The following GAS2L3 variants were observed in gnomAD, a reference collection of about 807,000 sequenced individuals.
The protein encoded by GAS2L3 is GAS2-like protein 3.
Under a neutral mutation model 37.0 loss-of-function variants are expected in GAS2L3, and 28 were observed. The observed-to-expected ratio is 0.76, with a 90% confidence interval of 0.56 to 1.04. The LOEUF is 1.04. GAS2L3 is among the 50% of genes least tolerant of loss of function. The pLI is 0.00. For missense variants in GAS2L3, 793 were observed against 817.6 expected (o/e 0.97, Z 0.37); for synonymous variants, 290 against 296.6 (o/e 0.98, Z 0.23).
At chr12:100,575,335 C>T (rs921740504) in intron 1 of GAS2L3, among the ~76,000 whole-genome samples, 3 of 151,924 alleles carry the variant, frequency 2.0e-5, no homozygotes, top group Non-Finnish European at 4.4e-5. Context: ...ACATGTAAAG[C>T]ATTTAAAACA....
chr12:100,598,483 T>C (rs1955942649), intron 3 of GAS2L3, among the ~76,000 whole-genome samples: 1 of 152,196 alleles, frequency 6.6e-6, no homozygotes, highest in Non-Finnish European at 1.5e-5. Context: ...TTTGTCCCAT[T>C]ATTGATAGAG....
At chr12:100,603,899 A>G (rs958261055) in intron 5 of GAS2L3, among the ~76,000 whole-genome samples, 18 of 151,970 alleles carry the variant, frequency 1.2e-4, no homozygotes, top group Non-Finnish European at 2.2e-4. Context: ...CCTTTCTTCA[A>G]TCTATGTTCT....
chr12:100,603,161 C>T (rs536603470), intron 5 of GAS2L3, among the ~76,000 whole-genome samples: 2 of 152,084 alleles, frequency 1.3e-5, no homozygotes, highest in African/African-American at 4.8e-5. Flanking sequence ...GGTATATACC[C>T]AGTGGGTTGT....
intron 1 of GAS2L3, 75 bp from the exon 2 acceptor site, chr12:100,591,661 G>A (rs1955848243): frequency 1.3e-5 from 2 of 151,996 alleles, no homozygotes; most frequent in African/African-American, 2.4e-5. Context: ...TGTGTATCTG[G>A]TACTTTATAG....
At chr12:100,617,832 A>G in intron 7 of GAS2L3, 25 bp downstream of exon 7, 4 of 1,372,962 alleles carry the variant, frequency 2.9e-6, no homozygotes, top group Non-Finnish European at 4.1e-6. Flanking sequence ...ATATTTCAGA[A>G]TTTCAATGTT....
At chr12:100,611,482 T>C (rs1361617880) in intron 5 of GAS2L3, among the ~76,000 whole-genome samples, 2 of 152,174 alleles carry the variant, frequency 1.3e-5, no homozygotes, top group Non-Finnish European at 2.9e-5. Context: ...TAGGAATCAT[T>C]TTCTGGAATA....
intron 6 of GAS2L3, among the ~76,000 whole-genome samples, chr12:100,613,359 C>G (rs1382576614): frequency 6.6e-6 from 1 of 152,144 alleles, no homozygotes; most frequent in Non-Finnish European, 1.5e-5. Flanking sequence ...AGATGAGCCT[C>G]TTAATTTTTT....
chr12:100,574,436 T>C (rs1267178669), intron 1 of GAS2L3, among the ~76,000 whole-genome samples: 1 of 152,128 alleles, frequency 6.6e-6, no homozygotes, highest in Admixed American at 6.6e-5. Context: ...AACCCTCAGT[T>C]TGGAGGACTG....
At chr12:100,575,700 G>T (rs12578671) in intron 1 of GAS2L3, among the ~76,000 whole-genome samples, 5 of 151,616 alleles carry the variant, frequency 3.3e-5, no homozygotes, top group Non-Finnish European at 5.9e-5. Context: ...GGATGGTCTC[G>T]ATCTCTTGAC....
chr12:100,583,053 A>T (rs1299567146), intron 1 of GAS2L3, among the ~76,000 whole-genome samples: 1 of 152,110 alleles, frequency 6.6e-6, no homozygotes, highest in African/African-American at 2.4e-5. Flanking sequence ...CCCCCAAGAG[A>T]GGGTTCTTGG....
intron 9 of GAS2L3, among the ~76,000 whole-genome samples, chr12:100,623,314 G>A (rs1365149276): frequency 6.6e-6 from 1 of 152,130 alleles, no homozygotes; most frequent in Non-Finnish European, 1.5e-5. Flanking sequence ...TTATTTTTAG[G>A]ATGCAAGTTA....
At chr12:100,575,498 T>TTG (rs2136357613) in intron 1 of GAS2L3, among the ~76,000 whole-genome samples, 1 of 146,604 alleles carries the variant, frequency 6.8e-6, no homozygotes, top group Admixed American at 6.8e-5. Flanking sequence ...TTTTTTTTTT[T>TTG]TGAGACAGAG....
intron 1 of GAS2L3, chr12:100,579,593 G>A (rs893128928): frequency 3.4e-5 from 26 of 772,964 alleles, no homozygotes; most frequent in Non-Finnish European, 5.8e-5. Flanking sequence ...ATGACAGGGT[G>A]CATCTTTTGG....
Position 100,612,054 on chromosome 12 carries a change from T to G in GAS2L3, c.358T>G (p.Phe120Val), listed in dbSNP as rs1383131554. ...GAAAGATGCTGCATCAGGTTCATTC[T>G]TTGCTCGGGACAATACCGCAAACTT... Reference protein sequence around the residue: ...CKKDAASGSFFARDNTANFLH... With the variant: ...CKKDAASGSFVARDNTANFLH... Residue 120 changes from phenylalanine (F) to valine (V), a missense_variant, in exon 6 of 10, where the codon TTT (phenylalanine) becomes GTT (valine). By Grantham distance (50) the Phe-to-Val change is conservative (BLOSUM62 -1). Coordinates refer to ENST00000547754, the MANE Select transcript of GAS2L3 (RefSeq NM_174942.3). 1.7e-5 allele frequency: 28 copies of G among 1,611,888 alleles called. No individual in the cohort carries two copies. In the Admixed American group the frequency reaches 4.7e-4, roughly 27 times the overall value.
At chr12:100,621,198 A>T (rs1307628273) in intron 8 of GAS2L3, among the ~76,000 whole-genome samples, 1 of 152,088 alleles carries the variant, frequency 6.6e-6, no homozygotes, top group Non-Finnish European at 1.5e-5. Context: ...TAGTTATATG[A>T]ATTCGTTTTG....
At chr12:100,580,190 C>A in intron 1 of GAS2L3, 1 of 717,346 alleles carries the variant, frequency 1.4e-6, no homozygotes, top group South Asian at 1.6e-5. Context: ...ATATCTAAAA[C>A]CAGGTAGAAG....
At chr12:100,595,206 T>C (rs1366489704) in intron 3 of GAS2L3, among the ~76,000 whole-genome samples, 1 of 151,958 alleles carries the variant, frequency 6.6e-6, no homozygotes, top group Non-Finnish European at 1.5e-5. Context: ...GGTTGGTAGG[T>C]CTGTCTTATT....
chr12:100,597,494 AT>A (rs1263107837), intron 3 of GAS2L3, among the ~76,000 whole-genome samples: 12 of 151,980 alleles, frequency 7.9e-5, no homozygotes, highest in African/African-American at 2.9e-4. Context: ...AAATAACATC[AT>A]TTTCCTATTC....
chr12:100,580,380 C>G (rs754051369), intron 1 of GAS2L3, among the ~76,000 whole-genome samples: 7 of 152,068 alleles, frequency 4.6e-5, no homozygotes, highest in Non-Finnish European at 7.4e-5. Context: ...TAGGCAATTC[C>G]TGAGTGTAGA....
Sources: gnomAD v4.1 joint callset for allele counts (sites outside exome capture counted in the v4.1 genomes callset) on GRCh38, gnomAD v4.1.1 for gene constraint, MANE v1.5 for transcripts, NCBI Gene and HGNC (gene_info 2026-07-23, HGNC 2026-07-21) for gene names.